PCDHA11: variants seen among roughly 807,000 people sequenced by gnomAD.
The protein encoded by PCDHA11 is protocadherin alpha-11.
In PCDHA11, 61 loss-of-function variants were observed where a neutral mutation model predicts 70.3. The ratio of observed to expected loss-of-function variants is 0.87; its 90% CI spans 0.71 to 1.07. The LOEUF is 1.07. Ranked by LOEUF, PCDHA11 falls within the 50% of genes least tolerant of loss-of-function variation. The pLI is 0.00. For missense variants in PCDHA11, 1,324 were observed against 1,237.5 expected (o/e 1.07, Z -1.05); for synonymous variants, 633 against 555.1 (o/e 1.14, Z -1.97).
chr5:140,920,722 C>T (rs2079784294), intron 1 of PCDHA11, among the ~76,000 whole-genome samples: 1 of 151,872 alleles, frequency 6.6e-6, no homozygotes, highest in Non-Finnish European at 1.5e-5. Context: ...TGTGCGCCTG[C>T]AGTCCCAGCT....
intron 3 of PCDHA11, among the ~76,000 whole-genome samples, chr5:141,008,031 T>C (rs566619568): frequency 1.3e-5 from 2 of 152,336 alleles, no homozygotes; most frequent in Admixed American, 6.5e-5. Flanking sequence ...TTCTTGTTAA[T>C]CTGCCTTTTG....
intron 1 of PCDHA11, among the ~76,000 whole-genome samples, chr5:140,872,922 T>C (rs1468048382): frequency 6.6e-6 from 1 of 152,218 alleles, no homozygotes; most frequent in African/African-American, 2.4e-5. Flanking sequence ...ATGCCTTATC[T>C]CTAATGTTTT....
chr5:140,943,616 C>T (rs1221074220), intron 1 of PCDHA11, among the ~76,000 whole-genome samples: 3 of 152,048 alleles, frequency 2.0e-5, no homozygotes, highest in African/African-American at 7.3e-5. Context: ...TTTGATTCAT[C>T]TGCATAAGGA....
intron 1 of PCDHA11, among the ~76,000 whole-genome samples, chr5:140,924,131 T>C (rs2081690578): frequency 6.6e-6 from 1 of 152,234 alleles, no homozygotes; most frequent in African/African-American, 2.4e-5. Flanking sequence ...CTTAGCAGCA[T>C]TAATTTAAAA....
chr5:140,990,535 A>T (rs1450949471), intron 3 of PCDHA11, among the ~76,000 whole-genome samples: 1 of 152,182 alleles, frequency 6.6e-6, no homozygotes, highest in African/African-American at 2.4e-5. Context: ...ACTGTGCATC[A>T]TAGATACTGT....
chr5:140,929,409 T>C, intron 1 of PCDHA11: 11 of 1,506,206 alleles, frequency 7.3e-6, no homozygotes, highest in Non-Finnish European at 9.8e-6. Context: ...GACAAGCCTT[T>C]CACAACATTT....
Position 140,871,086 on chromosome 5 carries a change from G to C in PCDHA11, c.1983G>C (p.Thr661=), listed in dbSNP as rs556097993. The C allele has an allele frequency of 1.9e-6, 3 of 1,613,256 alleles. No individual in the cohort carries two copies. In the South Asian group the frequency reaches 3.3e-5, roughly 18 times the overall value. ...ACGGTGAGCCGGCGCTGACGGCCAC[G>C]GCCACCGTGCTGGTGTCGTTGGTGG... ...KDHGEPALTA[T]ATVLVSLVES... Residue 661 remains threonine, a synonymous_variant, in exon 1 of 4, where the codon ACG becomes ACC. Coordinates refer to ENST00000398640, the MANE Select transcript of PCDHA11 (RefSeq NM_018902.5).
At chr5:140,907,840 A>C (rs2073633940) in intron 1 of PCDHA11, among the ~76,000 whole-genome samples, 1 of 152,160 alleles carries the variant, frequency 6.6e-6, no homozygotes, top group South Asian at 2.1e-4. Context: ...TGTTTATTAA[A>C]ATCCTCCTCT....
At chr5:140,969,670 T>C (rs1481481821) in intron 1 of PCDHA11, among the ~76,000 whole-genome samples, 1 of 152,192 alleles carries the variant, frequency 6.6e-6, no homozygotes, top group African/African-American at 2.4e-5. Context: ...AGTAATGTTA[T>C]GAGACTCAAG....
intron 1 of PCDHA11, among the ~76,000 whole-genome samples, chr5:140,909,076 G>A (rs556959550): frequency 3.3e-5 from 5 of 152,294 alleles, no homozygotes; most frequent in African/African-American, 7.2e-5. Context: ...TAAGCCCAGT[G>A]TGTTTGCTAC....
At position 140,870,509 on chromosome 5, in the gene PCDHA11, C is replaced by T; in HGVS notation, c.1406C>T (p.Pro469Leu). ...YTVFVKENNP[P>L]GCHIFTVSAR... ...GTGTTCGTGAAGGAGAACAACCCACCAGGCTGCCACATCTTCACAGTGTCG... is the reference window on the plus strand; with the variant it reads ...GTGTTCGTGAAGGAGAACAACCCACTAGGCTGCCACATCTTCACAGTGTCG... The change falls in exon 1 of 4, where the codon CCA becomes CTA. Residue 469 changes from proline (P) to leucine (L), a missense_variant. Transcript: ENST00000398640. 1.2e-6 allele frequency: 2 copies of T among 1,614,230 alleles called. No individual in the cohort carries two copies. The highest frequency in any genetic ancestry group is 1.7e-6 in the Non-Finnish European group (2 of 1,180,050).
In PCDHA11 at chr5:140,870,564, G is replaced by A. The variant is rs782511789; in HGVS notation, c.1461G>A (p.Ala487=). ...SARDADAQEN[A]LVSYSLVERR... is the part of the protein sequence containing the mutation. ...GGGACGCGGACGCGCAGGAGAACGCGCTGGTGTCCTACTCGCTGGTGGAGC... is the reference window on the plus strand; with the variant it reads ...GGGACGCGGACGCGCAGGAGAACGCACTGGTGTCCTACTCGCTGGTGGAGC... The change falls in exon 1 of 4, where the codon GCG becomes GCA. Residue 487 remains alanine (A), a synonymous_variant. Coordinates refer to ENST00000398640, the MANE Select transcript of PCDHA11 (RefSeq NM_018902.5). 2.5e-6 allele frequency: 4 copies of A among 1,613,884 alleles called. No individual in the cohort carries two copies. In the African/African-American group the frequency reaches 4.0e-5, roughly 16 times the overall value.
chr5:140,998,646 C>G (rs1413467899), intron 3 of PCDHA11, among the ~76,000 whole-genome samples: 1 of 151,870 alleles, frequency 6.6e-6, no homozygotes, highest in Non-Finnish European at 1.5e-5. Flanking sequence ...CTCACTGCAA[C>G]CTCTGCCTCC....
rs782128248 is a variant in PCDHA11, at chr5:140,869,394, G to C, written c.291G>C (p.Gly97=). Residue 97 remains glycine, a synonymous_variant, in exon 1 of 4, where the codon GGG becomes GGC. Coordinates refer to ENST00000398640, the MANE Select transcript of PCDHA11 (RefSeq NM_018902.5). ...GGATCGACCGCGAGGAGCTGTGCGG[G>C]CAGAGCGCGGAGTGCAGCATCCACC... ...NSRIDREELC[G]QSAECSIHLE... 6.2e-7 allele frequency: 1 copy of C among 1,614,196 alleles called. No homozygotes were observed. Among genetic ancestry groups the C allele is most frequent in the Non-Finnish European group, 8.5e-7 (1 of 1,180,044 alleles).
intron 1 of PCDHA11, among the ~76,000 whole-genome samples, chr5:140,873,602 C>T (rs1554166789): frequency 6.6e-6 from 1 of 152,118 alleles, no homozygotes; most frequent in African/African-American, 2.4e-5. Flanking sequence ...TTAGATGTTC[C>T]TATTGGCTTA....
intron 1 of PCDHA11, among the ~76,000 whole-genome samples, chr5:140,888,860 A>C (rs1349587487): frequency 6.6e-6 from 1 of 152,086 alleles, no homozygotes; most frequent in Non-Finnish European, 1.5e-5. Flanking sequence ...GAGTGAGACC[A>C]TGTCTCAACA....
chr5:140,925,108 G>GGAAGGAAGGAAGGAAGGAAGGAA (rs1554202548), intron 1 of PCDHA11, among the ~76,000 whole-genome samples: 19 of 124,700 alleles, frequency 1.5e-4, no homozygotes, highest in Middle Eastern at 4.0e-3. Context: ...GAAGGAAGGA[G>GGAAGGAAGGAAGGAAGGAAGGAA]GGAAGGAAGG....
Position 140,967,862 on chromosome 5 carries a change from G to T in PCDHA11, c.2392-11087G>T, listed in dbSNP as rs781878230. On this transcript the variant is annotated intron_variant, in intron 1 of 3. Transcript: ENST00000398640. ...CGTGAATGACAATGCCCCAGAGGTG[G>T]TGCTCACGGACCTGTATAGCCCAGT... The T allele has an allele frequency of 8.1e-6, 13 of 1,614,170 alleles. No individual in the cohort carries two copies. The East Asian group carries it at 2.5e-4, about 30-fold the overall frequency.
chr5:140,881,803 T>A (rs574659861), intron 1 of PCDHA11, among the ~76,000 whole-genome samples: 5 of 152,058 alleles, frequency 3.3e-5, no homozygotes, highest in Non-Finnish European at 7.3e-5. Context: ...CCAAAACGAG[T>A]GTCGAATATT....
Sources: gnomAD v4.1 joint callset for allele counts (sites outside exome capture counted in the v4.1 genomes callset) on GRCh38, gnomAD v4.1.1 for gene constraint, MANE v1.5 for transcripts, NCBI Gene and HGNC (gene_info 2026-07-23, HGNC 2026-07-21) for gene names.